TUSC3: variants seen among roughly 807,000 people sequenced by gnomAD.
TUSC3 encodes the protein dolichyl-diphosphooligosaccharide--protein glycosyltransferase subunit TUSC3.
Under a neutral mutation model 44.8 loss-of-function variants are expected in TUSC3, and 45 were observed. That is an observed-to-expected ratio of 1.00 (90% CI 0.79 to 1.29). The LOEUF is 1.29. Ranked by LOEUF, TUSC3 falls within the 50% of genes most tolerant of loss-of-function variation. The probability of loss-of-function intolerance (pLI) is 0.00; values close to 1 mark genes in which losing one functional copy is unlikely to be tolerated. For synonymous variants in TUSC3, 212 were observed against 152.9 expected (o/e 1.39, Z -2.85); for missense variants, 519 against 437.9 (o/e 1.19, Z -1.65).
In TUSC3 at chr8:15,765,485, G is replaced by C. The variant is rs1174851648; in HGVS notation, c.*1329G>C. 6.6e-6 allele frequency: 1 copy of C among 151,948 alleles called. No individual in the cohort carries two copies. Among genetic ancestry groups the C allele is most frequent in the African/African-American group, 2.4e-5 (1 of 41,410 alleles). 9.4% of individuals were successfully genotyped at this position (151,948 alleles called of 1,614,324 possible). On this transcript the variant is annotated 3_prime_UTR_variant, in exon 11 of 11. Coordinates refer to ENST00000503731, the MANE Select transcript of TUSC3 (RefSeq NM_006765.4). ...CAAGAAACGGGTGTACAACCATTGA[G>C]TTTACTTACTTAAATCTGTGAATTT...
chr8:15,424,887 A>C (rs1422523598), intron 1 of TUSC3, among the ~76,000 whole-genome samples: 1 of 152,116 alleles, frequency 6.6e-6, no homozygotes, highest in Non-Finnish European at 1.5e-5. Context: ...TCAAAAAAAA[A>C]AAAAGAAAAC....
rs1563247134 is a variant in TUSC3, at chr8:15,423,969, G to GTTTTTGTTTTGTTTTTTTTTTTTTT, written n.91+6669_91+6670insGTTTTGTTTTTTTTTTTTTTTTTTT. Among the ~76,000 whole-genome samples, 18 of 70,394 alleles carry GTTTTTGTTTTGTTTTTTTTTTTTTT rather than the reference G, an allele frequency of 2.6e-4. 3 individuals carry two copies. The highest frequency in any genetic ancestry group is 4.9e-4 in the African/African-American group (12 of 24,496). 46.2% of individuals were successfully genotyped at this position (70,394 alleles called of 152,430 possible). A position where few individuals can be genotyped will look rare whatever the true frequency, so the allele number is the denominator to read the frequency against. ...TACAGCATTCATACTGTTTTGCTTT[G>GTTTTTGTTTTGTTTTTTTTTTTTTT]TTTTTTTTTTTTTTTTTTTTTTTTT... On this transcript the variant is annotated intron_variant and non_coding_transcript_variant, in intron 1 of 5. Coordinates refer to the TUSC3 transcript ENST00000503191.
rs112329534 is a variant in TUSC3 at position 15,713,114 on chromosome 8, T to C, written c.799-17552T>C. Reference sequence around the variant, plus strand: ...CCCAAATAATCCACAAATACGTTTTTGTAAAAGTCGTAAAAGGTTGAAATA... The same window carrying C: ...CCCAAATAATCCACAAATACGTTTTCGTAAAAGTCGTAAAAGGTTGAAATA... On this transcript the variant is annotated intron_variant, in intron 6 of 10. Transcript: ENST00000503731. Among the ~76,000 whole-genome samples, 469 of 152,316 alleles carry C rather than the reference T, an allele frequency of 3.1e-3. 5 individuals are homozygous for C. The highest frequency in any genetic ancestry group is 0.011 in the African/African-American group (459 of 41,584).
chr8:15,423,145 T>C (rs1020618230), intron 1 of TUSC3, among the ~76,000 whole-genome samples: 2 of 152,190 alleles, frequency 1.3e-5, no homozygotes, highest in Non-Finnish European at 2.9e-5. Context: ...ACCTTTCCAT[T>C]TTCACTACAT....
At chr8:15,776,190 A>T in the TUSC3 span, among the ~76,000 whole-genome samples, 1 of 152,140 alleles carries the variant, frequency 6.6e-6, no homozygotes, top group Non-Finnish European at 1.5e-5. Flanking sequence ...AACAAGATTC[A>T]GCCTAATTTT....
chr8:15,736,537 A>C (rs747904324), intron 7 of TUSC3, among the ~76,000 whole-genome samples: 6 of 152,182 alleles, frequency 3.9e-5, no homozygotes, highest in Non-Finnish European at 7.4e-5. Flanking sequence ...TCAAAACCTC[A>C]TGTATGATTT....
chr8:15,714,019 G>A (rs539595909), intron 6 of TUSC3, among the ~76,000 whole-genome samples: 10 of 152,204 alleles, frequency 6.6e-5, no homozygotes, highest in Admixed American at 2.6e-4. Context: ...GTGAAAGTGC[G>A]CCTTGAAGGA....
chr8:15,533,702 G>C (rs995768988), intron 2 of TUSC3, among the ~76,000 whole-genome samples: 1 of 152,224 alleles, frequency 6.6e-6, no homozygotes, highest in Non-Finnish European at 1.5e-5. Context: ...GCCAGCTTCA[G>C]TCAGGAGCAC....
At chr8:15,598,389 G>A (rs1229785464) in intron 1 of TUSC3, among the ~76,000 whole-genome samples, 1 of 151,844 alleles carries the variant, frequency 6.6e-6, no homozygotes, top group Non-Finnish European at 1.5e-5. Context: ...CTCCACACAT[G>A]CGTCATCTCC....
intron 10 of TUSC3, chr8:15,758,351 A>G (rs1812021118): frequency 1.4e-5 from 7 of 513,612 alleles, no homozygotes; most frequent in Non-Finnish European, 1.2e-5. Context: ...TACTTTATTT[A>G]TATATATATA....
intron 7 of TUSC3, among the ~76,000 whole-genome samples, chr8:15,736,891 G>C (rs1163264467): frequency 2.0e-5 from 3 of 152,044 alleles, no homozygotes; most frequent in Non-Finnish European, 2.9e-5. Flanking sequence ...GTGAGTTCTA[G>C]GATAAGCTTT....
intron 2 of TUSC3, among the ~76,000 whole-genome samples, chr8:15,488,466 C>T (rs952027773): frequency 1.3e-5 from 2 of 152,146 alleles, no homozygotes; most frequent in African/African-American, 4.8e-5. Context: ...TGCACCACTG[C>T]ACTCCAGCCT....
chr8:15,766,485 A>G lies in TUSC3; in HGVS notation c.*2329A>G, dbSNP rs1230854530. 2.0e-5 allele frequency: 3 copies of G among 152,028 alleles called. No individual in the cohort carries two copies. The highest frequency in any genetic ancestry group is 7.2e-5 in the African/African-American group (3 of 41,430). The allele number at this position is 152,028 out of a possible 1,614,324, so 9.4% of individuals were successfully genotyped here. ...CCAAACTGTCATAAAAATTGATTAT[A>G]TGTTTAACAATTGTTTTTCTACTAC... On this transcript the variant is annotated 3_prime_UTR_variant, in exon 11 of 11. Coordinates refer to ENST00000503731, the MANE Select transcript of TUSC3 (RefSeq NM_006765.4).
At chr8:15,761,408 A>T (rs565370002) in intron 10 of TUSC3, among the ~76,000 whole-genome samples, 1 of 152,294 alleles carries the variant, frequency 6.6e-6, no homozygotes, top group East Asian at 1.9e-4. Flanking sequence ...TGCTTCTCTT[A>T]GGCTAGGGGA....
intron 1 of TUSC3, among the ~76,000 whole-genome samples, chr8:15,558,983 T>A (rs1319976684): frequency 6.7e-6 from 1 of 149,902 alleles, no homozygotes; most frequent in African/African-American, 2.4e-5. Context: ...TTTGAAGGGT[T>A]TTTTGTGTCT....
intron 1 of TUSC3, among the ~76,000 whole-genome samples, chr8:15,481,517 A>G (rs1042320966): frequency 2.0e-5 from 3 of 152,074 alleles, no homozygotes; most frequent in African/African-American, 7.2e-5. Flanking sequence ...CCATGATCCA[A>G]TAAATTTCTG....
chr8:15,510,026 A>G (rs1336234037), intron 2 of TUSC3, among the ~76,000 whole-genome samples: 3 of 152,144 alleles, frequency 2.0e-5, no homozygotes, highest in Non-Finnish European at 4.4e-5. Context: ...AAAGAAAAAT[A>G]GCGAGCCATG....
chr8:15,444,121 G>T (rs920996042), intron 1 of TUSC3, among the ~76,000 whole-genome samples: 1 of 152,134 alleles, frequency 6.6e-6, no homozygotes, highest in Non-Finnish European at 1.5e-5. Context: ...GCTAATTTTT[G>T]TATTATATTC....
the TUSC3 span, among the ~76,000 whole-genome samples, chr8:15,795,320 A>G: frequency 6.6e-6 from 1 of 152,284 alleles, no homozygotes; most frequent in South Asian, 2.1e-4. Context: ...AATCCATAAC[A>G]ACCCTGGCCA....
Sources: gnomAD v4.1 joint callset for allele counts (sites outside exome capture counted in the v4.1 genomes callset) on GRCh38, gnomAD v4.1.1 for gene constraint, MANE v1.5 for transcripts, NCBI Gene and HGNC (gene_info 2026-07-23, HGNC 2026-07-21) for gene names.